Variants in SHBG observed in about 807,000 individuals in gnomAD.
SHBG encodes sex hormone-binding globulin.
SHBG carries 37 observed loss-of-function variants against 41.9 expected under a neutral mutation model. The ratio of observed to expected loss-of-function variants is 0.88; its 90% CI spans 0.68 to 1.16. SHBG has a LOEUF of 1.16. SHBG is among the 50% of genes most tolerant of loss of function. The pLI, the probability that SHBG is intolerant of heterozygous loss-of-function variation, is 0.00. For synonymous variants in SHBG, 217 were observed against 205.8 expected (o/e 1.05, Z -0.47); for missense variants, 466 against 499.9 (o/e 0.93, Z 0.65).
chr17:7,615,658 C>A (rs1166783364), intron 1 of SHBG, among the ~76,000 whole-genome samples: 7 of 103,108 alleles, frequency 6.8e-5, no homozygotes, highest in Admixed American at 2.9e-4. Flanking sequence ...CCCCCCCCCC[C>A]ACCCCGCATC....
upstream of SHBG, chr17:7,627,888 G>T: frequency 1.6e-6 from 1 of 626,302 alleles, no homozygotes. The surrounding 1 kb of genome is among the most constrained non-coding windows in gnomAD (Gnocchi z 4.8). Flanking sequence ...TCGCAGCAGG[G>T]GGCACAACTG....
At chr17:7,622,340 T>C (rs1271608599) in intron 1 of SHBG, among the ~76,000 whole-genome samples, 3 of 151,478 alleles carry the variant, frequency 2.0e-5, no homozygotes, top group African/African-American at 7.3e-5. Flanking sequence ...TGGCTCAATC[T>C]TGTCTCACTG....
upstream of SHBG, chr17:7,626,841 G>A (rs781241955): frequency 1.9e-5 from 30 of 1,610,506 alleles, no homozygotes; most frequent in Non-Finnish European, 2.5e-5. Context: ...TTGAGCTGAA[G>A]GGGATCAGAA....
chr17:7,621,085 A>G (rs2072084853), intron 1 of SHBG, among the ~76,000 whole-genome samples: 2 of 121,178 alleles, frequency 1.7e-5, no homozygotes, highest in African/African-American at 6.3e-5. Context: ...ACAGAGCAAG[A>G]CCCTGTCACA....
Position 7,621,369 on chromosome 17 carries a change from G to T in SHBG, c.-62+7258G>T, listed in dbSNP as rs1256596234. ...CCCAGCACTTTGGGAGGCTGAGGCG[G>T]GCAGATCATCTGAGGTCAGGAGTTT... is the stretch of plus-strand genomic sequence containing the variant. On this transcript the variant is annotated intron_variant, in intron 1 of 5. Coordinates refer to the SHBG transcript ENST00000570547. 1.4e-5 allele frequency among the ~76,000 whole-genome samples: 2 copies of T among 141,618 alleles called. 1 individual carries two copies. The highest frequency in any genetic ancestry group is 3.1e-5 in the Non-Finnish European group (2 of 64,194). The allele number at this position is 141,618 out of a possible 152,430, so 92.9% of individuals were successfully genotyped here.
upstream of SHBG, chr17:7,626,400 T>A (rs563588213): frequency 3.7e-6 from 6 of 1,604,540 alleles, no homozygotes; most frequent in South Asian, 6.7e-5. Context: ...GTGCTTCAGC[T>A]GATGGGGAAG....
At chr17:7,626,901 G>A, upstream of SHBG, 2 of 1,603,942 alleles carry the variant, frequency 1.2e-6, no homozygotes, top group Middle Eastern at 1.7e-4. Flanking sequence ...GGGGTCTGTG[G>A]GGTGCTTTGC....
chr17:7,633,032 G>A (rs188588790), intron 7 of SHBG, 73 bp downstream of exon 7: 5 of 1,475,488 alleles, frequency 3.4e-6, no homozygotes, highest in East Asian at 4.5e-5. Context: ...ACATTTTGAG[G>A]GGAAGGAAAC....
chr17:7,632,667 A>G (rs1597923264), intron 6 of SHBG, 85 bp from the exon 7 acceptor site: 2 of 1,031,026 alleles, frequency 1.9e-6, no homozygotes, highest in South Asian at 2.6e-5. Flanking sequence ...GGCAGAATTA[A>G]GGCAGCTAGG....
chr17:7,614,426 C>G, intron 1 of SHBG: 1 of 1,493,684 alleles, frequency 6.7e-7, no homozygotes, highest in Non-Finnish European at 9.0e-7. Context: ...TAAGGACCGG[C>G]GTCCCCAGTC....
Position 7,619,390 on chromosome 17 carries a change from CA to C in SHBG, c.-62+5294del, listed in dbSNP as rs113765992. 8.5e-3 allele frequency among the ~76,000 whole-genome samples: 1,102 copies of C among 129,470 alleles called. 33 individuals carry two copies. The East Asian group carries it at 0.11, about 13-fold the overall frequency. The allele number at this position is 129,470 out of a possible 152,430, so 84.9% of individuals were successfully genotyped here. On this transcript the variant is annotated intron_variant, in intron 1 of 5. Coordinates refer to the SHBG transcript ENST00000570547. ...GGGCATTAAGGGTGAAACTCCATCT[CA>C]AAAAAAAAAAAAAATCATAATAATG... is the stretch of plus-strand genomic sequence containing the variant.
upstream of SHBG, chr17:7,626,582 G>A (rs370075865): frequency 6.2e-7 from 1 of 1,614,074 alleles, no homozygotes; most frequent in Non-Finnish European, 8.5e-7. Context: ...GGACGGCCAG[G>A]CGGAATTGGG....
In SHBG at chr17:7,631,186, C is replaced by T. The variant is rs2072396682; in HGVS notation, c.394-14C>T. 6.5e-7 allele frequency: 1 copy of T among 1,535,948 alleles called. No homozygotes were observed. Among genetic ancestry groups the T allele is most frequent in the Admixed American group, 2.0e-5 (1 of 48,972 alleles). On this transcript the variant is annotated splice_polypyrimidine_tract_variant and intron_variant, in intron 3 of 7. Transcript: ENST00000380450. ...TCCCAGGGGCCTCTGATTTTGCTTC[C>T]CACCTTCCTGCAGGTGGAAGTCAAG...
chr17:7,629,524 T>C (rs2072332321), upstream of SHBG, among the ~76,000 whole-genome samples: 1 of 152,146 alleles, frequency 6.6e-6, no homozygotes. Flanking sequence ...TAATATTCAC[T>C]GAATCATACA....
intron 1 of SHBG, among the ~76,000 whole-genome samples, chr17:7,620,633 T>G (rs569055729): frequency 1.0e-3 from 157 of 151,870 alleles, no homozygotes; most frequent in Middle Eastern, 3.4e-3. Flanking sequence ...ATAATTTTTT[T>G]TTTTGTTTTT....
intron 1 of SHBG, chr17:7,614,512 C>G (rs746758914): frequency 5.5e-5 from 84 of 1,515,732 alleles, no homozygotes; most frequent in African/African-American, 7.1e-5. Context: ...CCACATCCCC[C>G]CCAGAGGCCA....
At chr17:7,627,042 G>A, upstream of SHBG, 1 of 1,613,840 alleles carries the variant, frequency 6.2e-7, no homozygotes, top group Non-Finnish European at 8.5e-7. This position sits in a 1 kb window ranked among gnomAD's most constrained non-coding sequence, Gnocchi z 4.8. Context: ...ACCACGCAGG[G>A]CCCTGAGAGA....
upstream of SHBG, among the ~76,000 whole-genome samples, chr17:7,626,064 C>T (rs1362631365): frequency 7.0e-6 from 1 of 142,728 alleles, no homozygotes; most frequent in African/African-American, 2.6e-5. Flanking sequence ...CATGGTGGTG[C>T]GCACCCGTAG....
chr17:7,632,678 G>A (rs575927703), intron 6 of SHBG, 74 bp from the exon 7 acceptor site: 1 of 1,152,160 alleles, frequency 8.7e-7, no homozygotes, highest in Admixed American at 1.7e-5. Context: ...GGCAGCTAGG[G>A]GTGAGGCCAC....
Sources: allele counts gnomAD v4.1 joint callset (sites outside exome capture counted in the v4.1 genomes callset), GRCh38; gene constraint gnomAD v4.1.1; non-coding constraint Gnocchi (gnomAD v3.1); transcripts MANE v1.5; gene names NCBI Gene and HGNC (gene_info 2026-07-23, HGNC 2026-07-21).